Variants in GALNT12 observed in about 807,000 individuals in gnomAD.
GALNT12 encodes the protein UDP-GalNAc:polypeptide N-acetylgalactosaminyltransferase 12.
A neutral mutation model predicts 55.5 loss-of-function variants in GALNT12; 45 were observed. The ratio of observed to expected loss-of-function variants is 0.81; its 90% CI spans 0.64 to 1.04. The LOEUF is 1.04. Ranked by LOEUF, GALNT12 falls within the 50% of genes least tolerant of loss-of-function variation. The probability of loss-of-function intolerance (pLI) is 0.00; values close to 1 mark genes in which losing one functional copy is unlikely to be tolerated. For missense variants in GALNT12, 709 were observed against 754.8 expected (o/e 0.94, Z 0.71); for synonymous variants, 304 against 312.2 (o/e 0.97, Z 0.28).
In GALNT12 at chr9:98,846,698, T is replaced by TAA. The variant is rs11389146; in HGVS notation, c.1605+585_1605+586dup. Among the ~76,000 whole-genome samples, 172 of 148,596 alleles carry TAA rather than the reference T, an allele frequency of 1.2e-3. 2 individuals carry two copies. Among genetic ancestry groups the TAA allele is most frequent in the East Asian group, 3.0e-3 (15 of 5,054 alleles). ...AATATGGCAAAACCCCATCTCTACT[T>TAA]AAAAAAAAAAATAGCCAGGTGTGGT... On this transcript the variant is annotated intron_variant, in intron 9 of 9. Transcript: ENST00000375011.
rs1238437424 is a variant in GALNT12 at position 98,807,989 on chromosome 9, C to T, written c.291C>T (p.Ser97=). ...QGEELRLQEE[S]VRLHQINIYL... ...AGGAGCTGCGGCTGCAGGAGGAGAGCGTGCGGCTGCACCAGATTAACATCT... is the reference window on the plus strand; with the variant it reads ...AGGAGCTGCGGCTGCAGGAGGAGAGTGTGCGGCTGCACCAGATTAACATCT... Residue 97 remains serine (S), a synonymous_variant, in exon 1 of 10, where the codon AGC becomes AGT. Transcript: ENST00000375011. 3 of 1,528,258 alleles carry T rather than the reference C, an allele frequency of 2.0e-6. No homozygotes were observed. Among genetic ancestry groups the T allele is most frequent in the African/African-American group, 1.4e-5 (1 of 72,676 alleles). The allele number at this position is 1,528,258 out of a possible 1,614,324, so 94.7% of individuals were successfully genotyped here. A position where few individuals can be genotyped will look rare whatever the true frequency, so the allele number is the denominator to read the frequency against.
chr9:98,837,260 T>A (rs1337814068), intron 6 of GALNT12, 112 bp downstream of exon 6: 25 of 1,033,378 alleles, frequency 2.4e-5, no homozygotes, highest in Non-Finnish European at 3.5e-5. Flanking sequence ...ATAAATTGGG[T>A]GCTCAGATAC....
At chr9:98,842,080 T>G (rs1024060529) in intron 7 of GALNT12, among the ~76,000 whole-genome samples, 46 of 152,276 alleles carry the variant, frequency 3.0e-4, no homozygotes, top group African/African-American at 8.9e-4. Context: ...TGTTTTTTTT[T>G]TTGTTGTGGC....
At chr9:98,815,130 G>C (rs1835581883) in intron 1 of GALNT12, among the ~76,000 whole-genome samples, 1 of 152,192 alleles carries the variant, frequency 6.6e-6, no homozygotes, top group Admixed American at 6.5e-5. Context: ...TCAGGAAAAG[G>C]AGAAAGTGTT....
intron 1 of GALNT12, among the ~76,000 whole-genome samples, chr9:98,821,711 T>G (rs1251837616): frequency 6.6e-6 from 1 of 152,056 alleles, no homozygotes; most frequent in Non-Finnish European, 1.5e-5. Context: ...CTTCCCTGAC[T>G]TTTCATGGGG....
intron 9 of GALNT12, chr9:98,847,631 A>G (rs768017508): frequency 6.6e-6 from 1 of 152,196 alleles, no homozygotes; most frequent in Non-Finnish European, 1.5e-5. Flanking sequence ...AGGACGCTTA[A>G]TACTTTGATT....
chr9:98,816,457 A>G (rs1329041538), intron 1 of GALNT12, among the ~76,000 whole-genome samples: 1 of 151,648 alleles, frequency 6.6e-6, no homozygotes, highest in Non-Finnish European at 1.5e-5. Context: ...TAAGGATGTG[A>G]TTTCAGACTA....
At position 98,849,238 on chromosome 9, in the gene GALNT12, T is replaced by G. The variant is rs1243439143; in HGVS notation, c.*146T>G. On this transcript the variant is annotated 3_prime_UTR_variant, in exon 10 of 10. Coordinates refer to ENST00000375011, the MANE Select transcript of GALNT12 (RefSeq NM_024642.5). ...CAATCATTTTGCCATTTGTGAAAGT[T>G]GTGTTGGATTTAGTAAAAATGTGAA... is the stretch of plus-strand genomic sequence containing the variant. 1.3e-6 allele frequency: 1 copy of G among 776,468 alleles called. No individual in the cohort carries two copies. Among genetic ancestry groups the G allele is most frequent in the East Asian group, 2.6e-5 (1 of 38,280 alleles). The allele number at this position is 776,468 out of a possible 1,614,324, so 48.1% of individuals were successfully genotyped here.
At chr9:98,808,099 G>A (rs968126586) in intron 1 of GALNT12, 30 bp downstream of exon 1, 4 of 1,518,784 alleles carry the variant, frequency 2.6e-6, no homozygotes, top group Non-Finnish European at 3.6e-6. Flanking sequence ...GAGGAAGCCC[G>A]CCCTCAGAGC....
intron 1 of GALNT12, among the ~76,000 whole-genome samples, chr9:98,812,225 T>C (rs1835511595): frequency 6.6e-6 from 1 of 152,206 alleles, no homozygotes; most frequent in South Asian, 2.1e-4. Flanking sequence ...CCTTTTTCTT[T>C]CACTCATTCT....
At chr9:98,836,948 G>A (rs766239934) in intron 5 of GALNT12, 24 bp from the exon 6 acceptor site, 1 of 1,613,628 alleles carries the variant, frequency 6.2e-7, no homozygotes, top group Non-Finnish European at 8.5e-7. Context: ...TCACCACCTG[G>A]CCTCTCCTTT....
chr9:98,822,367 C>G (rs1835762881), intron 1 of GALNT12, among the ~76,000 whole-genome samples: 1 of 152,216 alleles, frequency 6.6e-6, no homozygotes, highest in Non-Finnish European at 1.5e-5. Flanking sequence ...GGGAATTTGT[C>G]ATGTCACTCA....
In GALNT12 at chr9:98,846,058, G is replaced by A. The variant is rs777152516; in HGVS notation, c.1540G>A (p.Asp514Asn). The change falls in exon 9 of 10, where the codon GAT becomes AAT. Residue 514 changes from aspartate (D) to asparagine (N), a missense_variant. Transcript: ENST00000375011. ...EGCIAVEAGM[D>N]TLIMHLCEET... ...CTGCATTGCTGTGGAAGCAGGAATG[G>A]ATACCCTTATCATGCATCTCTGCGA... The A allele has an allele frequency of 3.1e-6, 5 of 1,614,040 alleles. No homozygotes were observed. In the Admixed American group the frequency reaches 5.0e-5, roughly 16 times the overall value.
Position 98,849,450 on chromosome 9 carries a change from G to T in GALNT12, c.*358G>T. On this transcript the variant is annotated 3_prime_UTR_variant, in exon 10 of 10. Transcript: ENST00000375011. ...GCAAAAAAGATAAAGATTTTATTTT[G>T]GTATTTACAAGAATTCCCAGGTACG... 1 of 528,610 alleles carries T rather than the reference G, an allele frequency of 1.9e-6. No homozygotes were observed. The highest frequency in any genetic ancestry group is 3.3e-6 in the Non-Finnish European group (1 of 303,622). 32.7% of individuals were successfully genotyped at this position (528,610 alleles called of 1,614,324 possible).
chr9:98,808,507 C>G (rs546212778), intron 1 of GALNT12, among the ~76,000 whole-genome samples: 2 of 152,354 alleles, frequency 1.3e-5, no homozygotes, highest in South Asian at 4.1e-4. Context: ...AAGGGACAAA[C>G]AAGATGCGAG....
chr9:98,827,043 G>A (rs1835874509), intron 3 of GALNT12, 102 bp downstream of exon 3: 1 of 1,212,982 alleles, frequency 8.2e-7, no homozygotes, highest in Non-Finnish European at 1.2e-6. Context: ...GGTTGCCTGG[G>A]CTCAGCTGCT....
In GALNT12 at chr9:98,831,543, T is replaced by C. The variant is rs2295926; in HGVS notation, c.732-229T>C. 0.41 allele frequency among the ~76,000 whole-genome samples: 62,700 copies of C among 152,048 alleles called. 13,119 individuals carry two copies. Among genetic ancestry groups the C allele is most frequent in the African/African-American group, 0.5 (20,606 of 41,444 alleles). ...ATAGAATCAGAGCATATTAAAGTCATGGGACTTTTTGTTTTAAAGCCCTCC... is the reference window on the plus strand; with the variant it reads ...ATAGAATCAGAGCATATTAAAGTCACGGGACTTTTTGTTTTAAAGCCCTCC... On this transcript the variant is annotated intron_variant, in intron 3 of 9. Transcript: ENST00000375011.
At chr9:98,832,025 C>T (rs989383274) in intron 4 of GALNT12, 68 bp downstream of exon 4, 99 of 1,350,198 alleles carry the variant, frequency 7.3e-5, no homozygotes, top group Middle Eastern at 1.8e-4. Flanking sequence ...GACCTGTGAG[C>T]GGAGGCCCTC....
chr9:98,843,163 CAT>C (rs1259278018), intron 7 of GALNT12, among the ~76,000 whole-genome samples: 1 of 152,128 alleles, frequency 6.6e-6, no homozygotes, highest in Non-Finnish European at 1.5e-5. Context: ...ATAGCATACT[CAT>C]ATTTCTTTTT....
Sources: allele counts gnomAD v4.1 joint callset (sites outside exome capture counted in the v4.1 genomes callset), GRCh38; gene constraint gnomAD v4.1.1; transcripts MANE v1.5; gene names NCBI Gene and HGNC (gene_info 2026-07-23, HGNC 2026-07-21).